Variants in NELL1 observed in about 807,000 individuals in gnomAD.
NELL1 encodes protein kinase C-binding protein NELL1.
NELL1 carries 76 observed loss-of-function variants against 107.4 expected under a neutral mutation model. That is an observed-to-expected ratio of 0.71 (90% CI 0.59 to 0.86). The LOEUF is 0.86. NELL1 is among the 40% of genes least tolerant of loss of function. The pLI, the probability that NELL1 is intolerant of heterozygous loss-of-function variation, is 0.00. For synonymous variants in NELL1, 353 were observed against 341.2 expected (o/e 1.03, Z -0.38); for missense variants, 1,024 against 1,005.5 (o/e 1.02, Z -0.25).
intron 15 of NELL1, among the ~76,000 whole-genome samples, chr11:21,437,383 A>G (rs994608850): frequency 4.1e-4 from 63 of 152,042 alleles, no homozygotes; most frequent in Admixed American, 4.1e-3. Flanking sequence ...TTTTGAGATG[A>G]AGTTTCACTC....
chr11:21,082,820 C>T (rs1351245915), intron 12 of NELL1, among the ~76,000 whole-genome samples: 1 of 152,192 alleles, frequency 6.6e-6, no homozygotes, highest in Non-Finnish European at 1.5e-5. Context: ...ATGCTTCACC[C>T]TACCCAACGT....
chr11:20,737,369 G>C (rs1049587615), intron 2 of NELL1, among the ~76,000 whole-genome samples: 2 of 152,098 alleles, frequency 1.3e-5, no homozygotes, highest in African/African-American at 4.8e-5. Flanking sequence ...GAGGTAAACT[G>C]AAAGGGCTCC....
chr11:20,796,981 T>A (rs1857181974), intron 3 of NELL1, among the ~76,000 whole-genome samples: 1 of 152,058 alleles, frequency 6.6e-6, no homozygotes, highest in African/African-American at 2.4e-5. Flanking sequence ...GGGATGACAG[T>A]GCATTAAAAG....
At chr11:21,520,002 C>A (rs1026483543) in intron 15 of NELL1, among the ~76,000 whole-genome samples, 1 of 151,914 alleles carries the variant, frequency 6.6e-6, no homozygotes, top group African/African-American at 2.4e-5. Context: ...TTGGGAAAAA[C>A]AACAACAACA....
chr11:20,819,834 G>C (rs898836219), intron 3 of NELL1, among the ~76,000 whole-genome samples: 2 of 152,118 alleles, frequency 1.3e-5, no homozygotes, highest in Admixed American at 1.3e-4. Flanking sequence ...CAACTCCAGG[G>C]GTTAAAAATA....
intron 2 of NELL1, among the ~76,000 whole-genome samples, chr11:20,724,201 C>T (rs1033832593): frequency 1.3e-5 from 2 of 152,238 alleles, no homozygotes; most frequent in African/African-American, 4.8e-5. Flanking sequence ...ACATGTTTCC[C>T]ATTATCTTGG....
In NELL1 at chr11:21,011,192, C is replaced by A. The variant is rs1193639711; in HGVS notation, c.1300+50632C>A. On this transcript the variant is annotated intron_variant, in intron 12 of 19. Coordinates refer to ENST00000357134, the MANE Select transcript of NELL1 (RefSeq NM_006157.5). ...AAATCTAATCAAATGCAGAAATCAA[C>A]CCAAGAATATCCTCTATGATGAAGT... 3.3e-5 allele frequency among the ~76,000 whole-genome samples: 5 copies of A among 152,116 alleles called. 1 individual carries two copies. Among genetic ancestry groups the A allele is most frequent in the South Asian group, 4.1e-4 (2 of 4,838 alleles).
intron 5 of NELL1, among the ~76,000 whole-genome samples, chr11:20,897,576 TTAAAC>T (rs1849769409): frequency 1.3e-5 from 2 of 152,026 alleles, no homozygotes; most frequent in Admixed American, 1.3e-4. Flanking sequence ...TGGGATCTAA[TTAAAC>T]TAAAGAGCTT....
chr11:21,415,066 T>G (rs555052430), intron 15 of NELL1, among the ~76,000 whole-genome samples: 1 of 152,202 alleles, frequency 6.6e-6, no homozygotes, highest in African/African-American at 2.4e-5. Flanking sequence ...ATACCAAGTT[T>G]ATGCTATTCA....
intron 3 of NELL1, among the ~76,000 whole-genome samples, chr11:20,816,725 A>G (rs1387133563): frequency 6.6e-6 from 1 of 152,128 alleles, no homozygotes; most frequent in Non-Finnish European, 1.5e-5. Flanking sequence ...TCCAGTTCTT[A>G]AAGGGAATAC....
At chr11:21,241,116 T>A (rs1392108398) in intron 14 of NELL1, among the ~76,000 whole-genome samples, 5 of 152,104 alleles carry the variant, frequency 3.3e-5, no homozygotes, top group African/African-American at 9.7e-5. Flanking sequence ...ATTGACTTTC[T>A]CTCAAGCAAT....
intron 12 of NELL1, among the ~76,000 whole-genome samples, chr11:21,095,181 T>C (rs1854611753): frequency 6.6e-6 from 1 of 152,162 alleles, no homozygotes; most frequent in South Asian, 2.1e-4. Context: ...TCCCAGTCTC[T>C]TTGCTAAAAC....
intron 15 of NELL1, among the ~76,000 whole-genome samples, chr11:21,460,272 T>G (rs1564905482): frequency 1.3e-5 from 2 of 152,154 alleles, no homozygotes; most frequent in South Asian, 4.1e-4. Flanking sequence ...GTCCAGTGAA[T>G]GAGAGTGACA....
At chr11:21,175,327 CT>C (rs763699814) in intron 13 of NELL1, among the ~76,000 whole-genome samples, 1 of 151,642 alleles carries the variant, frequency 6.6e-6, no homozygotes, top group Non-Finnish European at 1.5e-5. Context: ...CATGTTTGCT[CT>C]CTCTCTTTTT....
chr11:20,971,267 T>C (rs1289610403), intron 12 of NELL1, among the ~76,000 whole-genome samples: 2 of 152,168 alleles, frequency 1.3e-5, no homozygotes, highest in East Asian at 1.9e-4. Flanking sequence ...TTTAGGACTT[T>C]AGCATATCTC....
intron 15 of NELL1, among the ~76,000 whole-genome samples, chr11:21,461,871 A>G (rs1049547991): frequency 6.6e-6 from 1 of 152,130 alleles, no homozygotes; most frequent in Non-Finnish European, 1.5e-5. Context: ...AGACCTGGAA[A>G]CTACAAAACA....
chr11:21,130,923 A>G (rs562340806), intron 13 of NELL1, among the ~76,000 whole-genome samples: 18 of 151,538 alleles, frequency 1.2e-4, no homozygotes, highest in Admixed American at 1.2e-3. Flanking sequence ...GCAACAGGTA[A>G]TAGACTGGTG....
intron 12 of NELL1, among the ~76,000 whole-genome samples, chr11:21,111,583 C>T (rs557548028): frequency 1.3e-3 from 196 of 152,174 alleles, no homozygotes; most frequent in Non-Finnish European, 1.9e-3. Flanking sequence ...TTGCTCCTCA[C>T]TTGGGGGCCC....
intron 12 of NELL1, among the ~76,000 whole-genome samples, chr11:21,029,985 G>A (rs778247374): frequency 1.1e-4 from 17 of 152,198 alleles, no homozygotes; most frequent in Non-Finnish European, 1.9e-4. Context: ...GTGACCTGCT[G>A]AATGGGTACT....
Sources: allele counts gnomAD v4.1 joint callset (sites outside exome capture counted in the v4.1 genomes callset), GRCh38; gene constraint gnomAD v4.1.1; transcripts MANE v1.5; gene names NCBI Gene and HGNC (gene_info 2026-07-23, HGNC 2026-07-21).